The following GUCY1A1 variants were observed in gnomAD, a reference collection of about 807,000 sequenced individuals.
The protein encoded by GUCY1A1 is guanylate cyclase 1 soluble subunit alpha 1.
A neutral mutation model predicts 64.5 loss-of-function variants in GUCY1A1; 48 were observed. The ratio of observed to expected loss-of-function variants is 0.74; its 90% CI spans 0.59 to 0.95. The LOEUF (loss-of-function observed/expected upper bound fraction) is 0.95. GUCY1A1 is among the 40% of genes least tolerant of loss of function. GUCY1A1 has a pLI of 0.00. For synonymous variants in GUCY1A1, 308 were observed against 303.4 expected, an observed-to-expected ratio of 1.02 and a Z score of -0.16; for missense variants, 804 against 825.3, an observed-to-expected ratio of 0.97 and a Z score of 0.32.
intron 3 of GUCY1A1, among the ~76,000 whole-genome samples, chr4:155,700,135 A>G (rs1730895199): frequency 6.6e-6 from 1 of 152,116 alleles, no homozygotes. Context: ...TTTCCCAATA[A>G]TTCTGTAAGC....
intron 2 of GUCY1A1, among the ~76,000 whole-genome samples, chr4:155,676,186 T>G (rs1307852662): frequency 1.3e-5 from 2 of 151,336 alleles, no homozygotes; most frequent in Middle Eastern, 3.4e-3. Flanking sequence ...AGGCTCAGTA[T>G]GTGGGACATA....
chr4:155,697,037 A>C lies in GUCY1A1; in HGVS notation c.170A>C (p.Glu57Ala), dbSNP rs61736997. The C allele has an allele frequency of 7.4e-3, 12,002 of 1,613,220 alleles. 757 individuals carry two copies. In the African/African-American group the frequency reaches 0.14, roughly 18 times the overall value. Residue 57 changes from glutamate to alanine, a missense_variant, in exon 3 of 10, where the codon GAA becomes GCA. Transcript: ENST00000506455. ...GACATTCCTGAGAAGAACATACAAG[A>C]AAGTCTTCCTCAAAGAAAAACCAGT... ...CQDIPEKNIQ[E>A]SLPQRKTSRS... is the part of the protein sequence containing the mutation.
chr4:155,719,484 G>GA, intron 8 of GUCY1A1, among the ~76,000 whole-genome samples: 1 of 152,236 alleles, frequency 6.6e-6, no homozygotes, highest in Non-Finnish European at 1.5e-5. Context: ...TCAGTATTTG[G>GA]AGTCATGTCC....
At chr4:155,685,897 C>T (rs558219060) in intron 2 of GUCY1A1, among the ~76,000 whole-genome samples, 12 of 152,202 alleles carry the variant, frequency 7.9e-5, no homozygotes, top group South Asian at 2.1e-4. Flanking sequence ...CCCTACCATT[C>T]GGTGAGTTCT....
intron 9 of GUCY1A1, 82 bp from the exon 10 acceptor site, chr4:155,729,948 C>T (rs777020125): frequency 1.5e-5 from 12 of 814,276 alleles, no homozygotes; most frequent in Admixed American, 6.6e-5. Context: ...TAAATATTCT[C>T]AGTAACATTC....
intron 2 of GUCY1A1, among the ~76,000 whole-genome samples, chr4:155,681,172 T>C (rs2126605515): frequency 6.6e-6 from 1 of 152,272 alleles, no homozygotes; most frequent in Non-Finnish European, 1.5e-5. Context: ...ATAGATGCTT[T>C]CTGATGGGTT....
intron 4 of GUCY1A1, among the ~76,000 whole-genome samples, chr4:155,706,445 A>G (rs1267525900): frequency 6.6e-6 from 1 of 151,980 alleles, no homozygotes; most frequent in East Asian, 1.9e-4. Flanking sequence ...ATTCTCTTCT[A>G]CGAATTGACA....
chr4:155,713,667 C>T, intron 7 of GUCY1A1, 84 bp downstream of exon 7: 4 of 1,449,096 alleles, frequency 2.8e-6, no homozygotes, highest in Non-Finnish European at 3.8e-6. Context: ...AATTATAATG[C>T]AACTGAAAGG....
At chr4:155,697,148 A>G in intron 3 of GUCY1A1, 26 bp downstream of exon 3, 1 of 1,568,560 alleles carries the variant, frequency 6.4e-7, no homozygotes, top group Non-Finnish European at 8.7e-7. Flanking sequence ...TTAGATTTTG[A>G]AATTGTAATA....
chr4:155,692,467 T>C (rs981055960), intron 2 of GUCY1A1, among the ~76,000 whole-genome samples: 28 of 152,188 alleles, frequency 1.8e-4, no homozygotes, highest in Admixed American at 1.0e-3. Context: ...CATCTGTTAT[T>C]TTTTGACTTT....
In GUCY1A1 at chr4:155,710,748, AAGG is replaced by A; in HGVS notation, c.588_590del (p.Glu196del). The A allele has an allele frequency of 6.2e-7, 1 of 1,614,062 alleles. No homozygotes were observed. The highest frequency in any genetic ancestry group is 8.5e-7 in the Non-Finnish European group (1 of 1,179,952). ...GGACGCCTCCATTCTATGCCTGGAT[AAGG>A]AGGATGATTTTCTACATGTTTACTA... On this transcript the variant is annotated inframe_deletion, in exon 6 of 10. Coordinates refer to ENST00000506455, the MANE Select transcript of GUCY1A1 (RefSeq NM_001130682.3).
chr4:155,687,998 C>T (rs1460442127), intron 2 of GUCY1A1, among the ~76,000 whole-genome samples: 12 of 151,860 alleles, frequency 7.9e-5, no homozygotes, highest in South Asian at 2.1e-4. Context: ...CCGAAGTGGG[C>T]GGATCATGAG....
At position 155,730,173 on chromosome 4, in the gene GUCY1A1, A is replaced by G. The variant is rs749258507; in HGVS notation, c.2015A>G (p.Lys672Arg). The change falls in exon 10 of 10, where the codon AAG becomes AGG. Residue 672 changes from lysine to arginine, a missense_variant. Lys to Arg is a conservative substitution (Grantham distance 26). Coordinates refer to ENST00000506455, the MANE Select transcript of GUCY1A1 (RefSeq NM_001130682.3). ...QGTNSKPCFQ[K>R]KDVEDGNANF... The stretch of plus-strand genomic sequence containing the variant: ...ACAAACTCAAAACCATGCTTCCAAA[A>G]GAAAGATGTGGAAGATGGCAATGCC... 7 of 1,611,674 alleles carry G rather than the reference A, an allele frequency of 4.3e-6. No homozygotes were observed. In the East Asian group the frequency reaches 1.6e-4, roughly 36 times the overall value.
intron 9 of GUCY1A1, among the ~76,000 whole-genome samples, chr4:155,723,627 CATTTATTTATTTATTTATTTATTT>C (rs3070258): frequency 4.1e-5 from 6 of 147,718 alleles, no homozygotes; most frequent in African/African-American, 1.2e-4. Flanking sequence ...TCTTCTTCTG[CATTTATTTATTTATTTATTTATTT>C]ATTTATTTAT....
rs1560934575 is a variant in GUCY1A1, at chr4:155,697,121, A to C, written c.254A>C (p.Glu85Ala). The change falls in exon 3 of 10, where the codon GAG (glutamate) becomes GCG (alanine). Residue 85 changes from glutamate (E) to alanine (A), a missense_variant and splice_region_variant. Transcript: ENST00000506455. ...AESICKLIFP[E>A]FERLNVALQR... ...AGTATTTGCAAACTGATTTTCCCAGAGGTGAGTGCGTGCTCTTTAGATTTT... is the reference window on the plus strand; with the variant it reads ...AGTATTTGCAAACTGATTTTCCCAGCGGTGAGTGCGTGCTCTTTAGATTTT... 5.0e-6 allele frequency: 8 copies of C among 1,611,292 alleles called. No homozygotes were observed. Among genetic ancestry groups the C allele is most frequent in the Non-Finnish European group, 5.9e-6 (7 of 1,177,578 alleles).
chr4:155,670,959 A>G (rs755085429), intron 2 of GUCY1A1, among the ~76,000 whole-genome samples: 5 of 152,042 alleles, frequency 3.3e-5, no homozygotes, highest in Non-Finnish European at 7.4e-5. Flanking sequence ...GGTCCAGCCT[A>G]TCTATTTATC....
chr4:155,710,792 A>G lies in GUCY1A1; in HGVS notation c.627A>G (p.Arg209=). The G allele has an allele frequency of 6.2e-7, 1 of 1,614,070 alleles. No individual in the cohort carries two copies. The highest frequency in any genetic ancestry group is 8.5e-7 in the Non-Finnish European group (1 of 1,179,968). Residue 209 remains arginine (R), a synonymous_variant, in exon 6 of 10, where the codon AGA becomes AGG. Coordinates refer to ENST00000506455, the MANE Select transcript of GUCY1A1 (RefSeq NM_001130682.3). Reference sequence around the variant, plus strand: ...ATGTTTACTACTTCTTCCCTAAGAGAACCACCTCCCTGATTCTTCCCGGCA... The same window carrying G: ...ATGTTTACTACTTCTTCCCTAAGAGGACCACCTCCCTGATTCTTCCCGGCA... ...FLHVYYFFPK[R]TTSLILPGII... is the part of the protein sequence containing the mutation.
In GUCY1A1 at chr4:155,710,534, G is replaced by A; in HGVS notation, c.377-8G>A. 1 of 1,489,082 alleles carries A rather than the reference G, an allele frequency of 6.7e-7. No homozygotes were observed. The highest frequency in any genetic ancestry group is 9.3e-7 in the Non-Finnish European group (1 of 1,076,752). 92.2% of individuals were successfully genotyped at this position (1,489,082 alleles called of 1,614,324 possible). ...TGATATGGCAGAACATGTATTATGT[G>A]ATTTCAGGAGTTCCAGTGGAGGTTA... On this transcript the variant is annotated splice_region_variant and splice_polypyrimidine_tract_variant and intron_variant, in intron 5 of 9. Coordinates refer to ENST00000506455, the MANE Select transcript of GUCY1A1 (RefSeq NM_001130682.3).
chr4:155,670,824 A>G (rs186884018), intron 2 of GUCY1A1, among the ~76,000 whole-genome samples: 2 of 152,320 alleles, frequency 1.3e-5, no homozygotes, highest in Admixed American at 1.3e-4. Context: ...ATACCAAGTC[A>G]TCTATCTCAC....
Sources: gnomAD v4.1 joint callset for allele counts (sites outside exome capture counted in the v4.1 genomes callset) on GRCh38, gnomAD v4.1.1 for gene constraint, MANE v1.5 for transcripts, NCBI Gene and HGNC (gene_info 2026-07-23, HGNC 2026-07-21) for gene names.